The following GBE1 variants were observed in gnomAD, a reference collection of about 807,000 sequenced individuals.
The protein encoded by GBE1 is 1,4-alpha-glucan-branching enzyme.
A neutral mutation model predicts 88.8 loss-of-function variants in GBE1; 70 were observed. The observed-to-expected ratio is 0.79, with a 90% CI of 0.65 to 0.96. The LOEUF (loss-of-function observed/expected upper bound fraction) is 0.96. Ranked by LOEUF, GBE1 falls within the 40% of genes least tolerant of loss-of-function variation. The pLI is 0.00. For missense variants in GBE1, 872 were observed against 871.0 expected, an observed-to-expected ratio of 1.00 and a Z score of -0.01; for synonymous variants, 284 against 300.1, an observed-to-expected ratio of 0.95 and a Z score of 0.56.
At chr3:81,698,412 A>G (rs1705635282) in intron 2 of GBE1, among the ~76,000 whole-genome samples, 1 of 152,192 alleles carries the variant, frequency 6.6e-6, no homozygotes, top group Non-Finnish European at 1.5e-5. Flanking sequence ...CTCCAATGCA[A>G]CGTTTATAAT....
At chr3:81,683,124 T>C (rs754895814) in intron 2 of GBE1, among the ~76,000 whole-genome samples, 5 of 152,210 alleles carry the variant, frequency 3.3e-5, no homozygotes, top group Non-Finnish European at 5.9e-5. Context: ...ATGGCATTTC[T>C]TTTGGGGCGT....
intron 2 of GBE1, among the ~76,000 whole-genome samples, chr3:81,678,839 A>G (rs373111454): frequency 5.3e-5 from 8 of 152,320 alleles, no homozygotes; most frequent in African/African-American, 1.9e-4. Flanking sequence ...ATGTAATTGC[A>G]TATCAATAGT....
At chr3:81,723,765 A>T (rs1706070514) in intron 1 of GBE1, among the ~76,000 whole-genome samples, 1 of 152,196 alleles carries the variant, frequency 6.6e-6, no homozygotes, top group Admixed American at 6.5e-5. Flanking sequence ...CCAGCTCTGC[A>T]CCCTCAAGAA....
chr3:81,718,746 C>A (rs1190122585), intron 1 of GBE1, among the ~76,000 whole-genome samples: 1 of 152,162 alleles, frequency 6.6e-6, no homozygotes, highest in Admixed American at 6.5e-5. Flanking sequence ...AAGTGATTCT[C>A]CTGCCTCAGC....
intron 1 of GBE1, among the ~76,000 whole-genome samples, chr3:81,720,360 G>GTA (rs202132232): frequency 0.015 from 2,145 of 145,576 alleles, 27 homozygotes; most frequent in South Asian, 0.028. Flanking sequence ...GTGTGTGTGT[G>GTA]TGTATATATA....
chr3:81,756,575 C>CAG (rs1706604969), intron 1 of GBE1, among the ~76,000 whole-genome samples: 1 of 152,144 alleles, frequency 6.6e-6, no homozygotes, highest in Non-Finnish European at 1.5e-5. Flanking sequence ...AGAAAGACAA[C>CAG]TGTATTACAG....
intron 14 of GBE1, among the ~76,000 whole-genome samples, chr3:81,523,169 T>C (rs1702896551): frequency 6.7e-6 from 1 of 150,310 alleles, no homozygotes; most frequent in Admixed American, 6.7e-5. Flanking sequence ...ATATAATATA[T>C]ATAATACATA....
chr3:81,639,352 A>ATTT (rs1704637191), intron 7 of GBE1, among the ~76,000 whole-genome samples: 5 of 150,188 alleles, frequency 3.3e-5, no homozygotes, highest in African/African-American at 1.2e-4. Context: ...TTTTTTTTTA[A>ATTT]AAAAAATGGC....
chr3:81,581,129 A>AGG, intron 11 of GBE1, 36 bp downstream of exon 11: 1 of 1,189,594 alleles, frequency 8.4e-7, no homozygotes, highest in Non-Finnish European at 1.2e-6. Flanking sequence ...AGAGAGAGAG[A>AGG]GAGAAATAAA....
intron 7 of GBE1, among the ~76,000 whole-genome samples, chr3:81,596,299 T>A (rs879289679): frequency 3.9e-5 from 6 of 152,068 alleles, no homozygotes; most frequent in African/African-American, 1.4e-4. Flanking sequence ...CTTTTTTTTT[T>A]ATTATACTTT....
chr3:81,579,844 C>G (rs1221507734), intron 11 of GBE1, among the ~76,000 whole-genome samples: 1 of 152,164 alleles, frequency 6.6e-6, no homozygotes, highest in Non-Finnish European at 1.5e-5. Flanking sequence ...CAGAGGTCAT[C>G]AAGTTTCTCT....
chr3:81,696,666 C>T (rs1576203279), intron 2 of GBE1, among the ~76,000 whole-genome samples: 1 of 152,120 alleles, frequency 6.6e-6, no homozygotes, highest in East Asian at 1.9e-4. Context: ...AATTTAAAGA[C>T]AACTGCTAAA....
intron 2 of GBE1, among the ~76,000 whole-genome samples, chr3:81,674,282 A>G (rs143694300): frequency 6.6e-6 from 1 of 152,072 alleles, no homozygotes; most frequent in East Asian, 1.9e-4. Context: ...CCTGCCTTAT[A>G]TGAGTTTCTC....
intron 3 of GBE1, among the ~76,000 whole-genome samples, chr3:81,662,648 C>T (rs1192146667): frequency 4.9e-5 from 7 of 141,464 alleles, no homozygotes; most frequent in African/African-American, 1.8e-4. Flanking sequence ...TTTTGCCAAA[C>T]ATTAACAGTT....
At chr3:81,660,734 T>C (rs1705017249) in intron 3 of GBE1, among the ~76,000 whole-genome samples, 1 of 152,004 alleles carries the variant, frequency 6.6e-6, no homozygotes, top group African/African-American at 2.4e-5. Context: ...ACACATACAC[T>C]GAACCACACA....
At chr3:81,751,212 AG>A in intron 1 of GBE1, among the ~76,000 whole-genome samples, 1 of 152,358 alleles carries the variant, frequency 6.6e-6, no homozygotes, top group East Asian at 1.9e-4. Flanking sequence ...GACTCCTCTC[AG>A]GAACAGTAGA....
intron 15 of GBE1, among the ~76,000 whole-genome samples, chr3:81,494,553 T>C (rs1029287375): frequency 6.6e-6 from 1 of 152,234 alleles, no homozygotes; most frequent in Admixed American, 6.5e-5. Flanking sequence ...CATGATAATA[T>C]GCATGCTGAT....
intron 12 of GBE1, among the ~76,000 whole-genome samples, chr3:81,542,262 C>A (rs1043325816): frequency 3.9e-5 from 6 of 152,032 alleles, no homozygotes; most frequent in African/African-American, 1.4e-4. Flanking sequence ...TTTTATTTAA[C>A]CAATCACCTT....
In GBE1 at chr3:81,750,527, A is replaced by ATATATATATATGTATATATATATG. The variant is rs1706482329; in HGVS notation, c.143+10847_143+10848insCATATATATATACATATATATATA. Reference sequence around the variant, plus strand: ...ACCAATTTCATCTCAAAACATTCATATATATATATACGTATATATATATGT... The same window carrying ATATATATATATGTATATATATATG: ...ACCAATTTCATCTCAAAACATTCATATATATATATATGTATATATATATGTATATATATACGTATATATATATGT... On this transcript the variant is annotated intron_variant, in intron 1 of 15. Transcript: ENST00000429644. 3.7e-5 allele frequency among the ~76,000 whole-genome samples: 3 copies of ATATATATATATGTATATATATATG among 80,992 alleles called. 1 individual carries two copies. The highest frequency in any genetic ancestry group is 2.3e-4 in the African/African-American group (3 of 12,928). The allele number at this position is 80,992 out of a possible 152,430, so 53.1% of individuals were successfully genotyped here. A position where few individuals can be genotyped will look rare whatever the true frequency, so the allele number is the denominator to read the frequency against.
Sources: allele counts gnomAD v4.1 joint callset (sites outside exome capture counted in the v4.1 genomes callset), GRCh38; gene constraint gnomAD v4.1.1; transcripts MANE v1.5; gene names NCBI Gene and HGNC (gene_info 2026-07-23, HGNC 2026-07-21).